Variants in PCDHA1 observed in about 807,000 individuals in gnomAD.
PCDHA1 encodes the protein protocadherin alpha-1.
In PCDHA1, 42 loss-of-function variants were observed where a neutral mutation model predicts 61.3. The ratio of observed to expected loss-of-function variants is 0.69; its 90% CI spans 0.54 to 0.89. PCDHA1 has a LOEUF of 0.89. Ranked by LOEUF, PCDHA1 falls within the 40% of genes least tolerant of loss-of-function variation. The probability of loss-of-function intolerance (pLI) is 0.00; values close to 1 mark genes in which losing one functional copy is unlikely to be tolerated. For synonymous variants in PCDHA1, 610 were observed against 553.8 expected (o/e 1.10, Z -1.43); for missense variants, 1,256 against 1,235.3 (o/e 1.02, Z -0.25).
At chr5:140,856,471 A>G (rs782438318) in intron 1 of PCDHA1, 6 of 1,597,856 alleles carry the variant, frequency 3.8e-6, no homozygotes, top group South Asian at 2.2e-5. Flanking sequence ...AGCTCTCAAT[A>G]CCTGAATCCA....
chr5:140,850,675 C>A (rs2150493362), intron 1 of PCDHA1: 3 of 1,598,470 alleles, frequency 1.9e-6, no homozygotes, highest in Non-Finnish European at 2.6e-6. Context: ...TCGGCGATGC[C>A]CACCGAGGGC....
At chr5:140,875,373 A>G in intron 1 of PCDHA1, 7 of 1,454,810 alleles carry the variant, frequency 4.8e-6, no homozygotes, top group Non-Finnish European at 6.3e-6. Flanking sequence ...AAAATTTACT[A>G]AATATGTACT....
At chr5:140,962,759 G>A (rs1554226222) in intron 1 of PCDHA1, among the ~76,000 whole-genome samples, 1 of 152,114 alleles carries the variant, frequency 6.6e-6, no homozygotes, top group Admixed American at 6.5e-5. Flanking sequence ...AATCCTATTC[G>A]TTTTTAACAA....
chr5:140,938,268 T>C (rs2091998417), intron 1 of PCDHA1, among the ~76,000 whole-genome samples: 1 of 152,190 alleles, frequency 6.6e-6, no homozygotes, highest in Non-Finnish European at 1.5e-5. Context: ...TCTAATCACA[T>C]AGTTTTCTTG....
chr5:140,841,513 C>G (rs2150316967), intron 1 of PCDHA1: 142,793 of 1,613,040 alleles, frequency 0.089, 1,768 homozygotes, highest in Non-Finnish European at 0.097. Flanking sequence ...CGCGCCTGTT[C>G]CGGGTGGCGT....
intron 3 of PCDHA1, among the ~76,000 whole-genome samples, chr5:141,003,395 T>G (rs1217089473): frequency 6.6e-6 from 1 of 152,160 alleles, no homozygotes; most frequent in Non-Finnish European, 1.5e-5. Flanking sequence ...CACTGAAACC[T>G]CCGCCTCCCG....
chr5:140,901,229 T>C (rs1394148058), intron 1 of PCDHA1, among the ~76,000 whole-genome samples: 1 of 152,166 alleles, frequency 6.6e-6, no homozygotes, highest in African/African-American at 2.4e-5. Context: ...ATCCCATATA[T>C]CCATTTTTTT....
chr5:140,803,871 A>T (rs1235800648), intron 1 of PCDHA1: 2 of 556,930 alleles, frequency 3.6e-6, no homozygotes, highest in Non-Finnish European at 6.3e-6. Flanking sequence ...TAAGACAAAT[A>T]TTTTTTCTTA....
chr5:140,815,959 G>T (rs1386419229), intron 1 of PCDHA1: 1 of 152,146 alleles, frequency 6.6e-6, no homozygotes, highest in Non-Finnish European at 1.5e-5. Context: ...AGAGTTAGGG[G>T]TGTTCTTTTG....
At chr5:140,851,471 A>C in intron 1 of PCDHA1, 1 of 893,552 alleles carries the variant, frequency 1.1e-6, no homozygotes, top group African/African-American at 1.8e-5. Context: ...ATGTCAATAA[A>C]TGTTATAAAC....
chr5:140,823,474 C>T (rs17844296), intron 1 of PCDHA1: 6 of 1,613,348 alleles, frequency 3.7e-6, no homozygotes, highest in African/African-American at 1.3e-5. Flanking sequence ...GCTGCTGGTG[C>T]CTCGAGTGGG....
intron 3 of PCDHA1, among the ~76,000 whole-genome samples, chr5:140,991,894 C>T (rs1426754578): frequency 6.6e-6 from 1 of 152,164 alleles, no homozygotes; most frequent in Non-Finnish European, 1.5e-5. Context: ...AACAAATTAA[C>T]ACAAAATCCC....
rs142468733 is a variant in PCDHA1 at position 140,884,535 on chromosome 5, C to G, written c.2395-94414C>G. 4,368 of 1,614,034 alleles carry G rather than the reference C, an allele frequency of 2.7e-3. 82 individuals are homozygous for G. The South Asian group carries it at 0.038, about 14-fold the overall frequency. On this transcript the variant is annotated intron_variant, in intron 1 of 3. Coordinates refer to ENST00000504120, the MANE Select transcript of PCDHA1 (RefSeq NM_018900.4). ...TGGTCGTACTCGCAGCAGAGGCGGC[C>G]GAGGGTGTGCTCTGGGGAGGGCCCG...
At position 140,871,935 on chromosome 5, in the gene PCDHA1, T is replaced by C. The variant is rs373740331; in HGVS notation, c.2394+83251T>C. The stretch of plus-strand genomic sequence containing the variant: ...GATATTTCCACATTGTTAGATCAAC[T>C]GGCTTTGTTTTTCTAAAGGGAGGAG... On this transcript the variant is annotated intron_variant, in intron 1 of 3. Coordinates refer to ENST00000504120, the MANE Select transcript of PCDHA1 (RefSeq NM_018900.4). Among the ~76,000 whole-genome samples, 4 of 152,380 alleles carry C rather than the reference T, an allele frequency of 2.6e-5. No individual in the cohort carries two copies. The East Asian group carries it at 7.7e-4, about 29-fold the overall frequency.
chr5:140,933,677 T>A (rs1024721491), intron 1 of PCDHA1, among the ~76,000 whole-genome samples: 8 of 151,826 alleles, frequency 5.3e-5, no homozygotes, highest in African/African-American at 1.9e-4. Context: ...CTCTCTCACA[T>A]TTTTTTTCCT....
At chr5:140,940,940 G>T (rs187772223) in intron 1 of PCDHA1, among the ~76,000 whole-genome samples, 1 of 152,254 alleles carries the variant, frequency 6.6e-6, no homozygotes, top group Non-Finnish European at 1.5e-5. Context: ...CTTAGACTAC[G>T]TATTCTCAGA....
At chr5:140,807,706 C>G in intron 1 of PCDHA1, 1 of 1,614,170 alleles carries the variant, frequency 6.2e-7, no homozygotes, top group Middle Eastern at 1.6e-4. Flanking sequence ...ACAGACTGAG[C>G]CCAAATGAAT....
chr5:140,958,873 A>G (rs1554223676), intron 1 of PCDHA1, among the ~76,000 whole-genome samples: 1 of 152,100 alleles, frequency 6.6e-6, no homozygotes, highest in East Asian at 1.9e-4. Context: ...TTTATAAAAG[A>G]ATTGACCAGT....
intron 1 of PCDHA1, chr5:140,851,223 A>G (rs1230955113): frequency 8.7e-7 from 1 of 1,147,336 alleles, no homozygotes; most frequent in Non-Finnish European, 1.1e-6. Flanking sequence ...TAACATCACT[A>G]TCATTTATTT....
Sources: gnomAD v4.1 joint callset for allele counts (sites outside exome capture counted in the v4.1 genomes callset) on GRCh38, gnomAD v4.1.1 for gene constraint, MANE v1.5 for transcripts, NCBI Gene and HGNC (gene_info 2026-07-23, HGNC 2026-07-21) for gene names.